ASAP2: variants seen among roughly 807,000 people sequenced by gnomAD.
ASAP2 encodes the protein ArfGAP with SH3 domain, ankyrin repeat and PH domain 2.
Under a neutral mutation model 131.4 loss-of-function variants are expected in ASAP2, and 45 were observed. The ratio of observed to expected loss-of-function variants is 0.34; its 90% CI spans 0.27 to 0.44. The LOEUF is 0.44. Among genes scored for constraint, ASAP2 ranks in the 20% least tolerant of loss-of-function variants. The pLI is 1.00. For synonymous variants in ASAP2, 510 were observed against 503.0 expected (o/e 1.01, Z -0.19); for missense variants, 1,011 against 1,297.0 (o/e 0.78, Z 3.39).
chr2:9,271,488 G>A, intron 1 of ASAP2: 1 of 1,407,320 alleles, frequency 7.1e-7, no homozygotes, highest in South Asian at 1.2e-5. Context: ...CGATCCCTTG[G>A]ACAGTAGTAA....
intron 1 of ASAP2, among the ~76,000 whole-genome samples, chr2:9,262,539 A>G (rs1046295555): frequency 2.0e-5 from 3 of 152,220 alleles, no homozygotes; most frequent in Non-Finnish European, 4.4e-5. Context: ...GCGGCTAGTA[A>G]TTGGAGCCTG....
chr2:9,335,377 G>A (rs1191209869), intron 9 of ASAP2, among the ~76,000 whole-genome samples, 198 bp downstream of exon 9: 1 of 152,218 alleles, frequency 6.6e-6, no homozygotes, highest in Non-Finnish European at 1.5e-5. Context: ...TCAGGAGGAA[G>A]CATTTACTAC....
At chr2:9,210,823 A>G (rs1191323932) in intron 1 of ASAP2, among the ~76,000 whole-genome samples, 2 of 151,616 alleles carry the variant, frequency 1.3e-5, no homozygotes, top group African/African-American at 4.8e-5. Flanking sequence ...GGCCTCCCAA[A>G]GTGCTGGGAT....
At position 9,395,594 on chromosome 2, in the gene ASAP2, C is replaced by CTTTTTTTTTTTTTTTTT; in HGVS notation, c.2684+1962_2684+1978dup. Among the ~76,000 whole-genome samples, 10 of 59,058 alleles carry CTTTTTTTTTTTTTTTTT rather than the reference C, an allele frequency of 1.7e-4. 3 individuals carry two copies. Among genetic ancestry groups the CTTTTTTTTTTTTTTTTT allele is most frequent in the East Asian group, 4.6e-4 (1 of 2,178 alleles). The allele number at this position is 59,058 out of a possible 152,430, so 38.7% of individuals were successfully genotyped here. ...GTTTTGTTTTTCTTGTGTTTTTTTT[C>CTTTTTTTTTTTTTTTTT]TTTTTTTTTTTTTTTTTTTTTTTTT... On this transcript the variant is annotated intron_variant, in intron 24 of 27. Coordinates refer to ENST00000281419, the MANE Select transcript of ASAP2 (RefSeq NM_003887.3).
At chr2:9,334,898 G>C in intron 8 of ASAP2, 85 bp downstream of exon 8, 3 of 1,485,828 alleles carry the variant, frequency 2.0e-6, no homozygotes, top group Non-Finnish European at 2.8e-6. Flanking sequence ...GTGTAATCCT[G>C]TGTTTTCATG....
At chr2:9,403,152 C>A in intron 27 of ASAP2, 101 bp from the exon 28 acceptor site, 1 of 943,700 alleles carries the variant, frequency 1.1e-6, no homozygotes. Flanking sequence ...GTCTTCTGAA[C>A]CAATCTTGCT....
At chr2:9,381,997 T>C (rs2148747222) in intron 20 of ASAP2, among the ~76,000 whole-genome samples, 1 of 149,578 alleles carries the variant, frequency 6.7e-6, no homozygotes, top group East Asian at 1.9e-4. Context: ...TTTTTTTTTT[T>C]TTTTGAGATG....
intron 21 of ASAP2, among the ~76,000 whole-genome samples, chr2:9,386,567 C>G (rs1323757605): frequency 1.3e-5 from 2 of 152,330 alleles, no homozygotes; most frequent in African/African-American, 4.8e-5. Context: ...TCTCAGCAGA[C>G]AGCAGCCGTG....
At chr2:9,278,167 A>G (rs1666874850) in intron 1 of ASAP2, among the ~76,000 whole-genome samples, 1 of 152,186 alleles carries the variant, frequency 6.6e-6, no homozygotes, top group African/African-American at 2.4e-5. Flanking sequence ...TGTGATTGGC[A>G]TCGCTATCCC....
intron 3 of ASAP2, among the ~76,000 whole-genome samples, chr2:9,313,118 G>A (rs1054958113): frequency 1.3e-5 from 2 of 152,082 alleles, no homozygotes; most frequent in African/African-American, 4.8e-5. Context: ...ACTAGGCTGC[G>A]GGCCCTGTTC....
chr2:9,401,432 CT>C (rs1676660416), intron 27 of ASAP2, 36 bp downstream of exon 27: 1 of 1,606,152 alleles, frequency 6.2e-7, no homozygotes, highest in South Asian at 1.1e-5. Flanking sequence ...TTCCTGGGGG[CT>C]GAGCCACGTC....
intron 1 of ASAP2, among the ~76,000 whole-genome samples, chr2:9,233,471 A>G (rs929537208): frequency 1.3e-5 from 2 of 152,226 alleles, no homozygotes; most frequent in Admixed American, 1.3e-4. Flanking sequence ...TTTTTAAGTA[A>G]CACTTACAAA....
At chr2:9,235,084 G>A (rs904652835) in intron 1 of ASAP2, among the ~76,000 whole-genome samples, 13 of 152,048 alleles carry the variant, frequency 8.5e-5, no homozygotes, top group African/African-American at 1.9e-4. Context: ...TCCAAGTGCC[G>A]TGTTTCACTG....
chr2:9,241,094 G>C (rs1663931006), intron 1 of ASAP2, among the ~76,000 whole-genome samples: 1 of 152,226 alleles, frequency 6.6e-6, no homozygotes, highest in East Asian at 1.9e-4. Flanking sequence ...TTGGACTGTG[G>C]TTAGTGGAAA....
chr2:9,267,086 ATATATCT>A (rs997846463), intron 1 of ASAP2, among the ~76,000 whole-genome samples: 25 of 152,296 alleles, frequency 1.6e-4, no homozygotes, highest in African/African-American at 6.0e-4. Context: ...ATTCTTAATA[ATATATCT>A]TATATATACA....
rs566311442 is a variant in ASAP2 at position 9,404,391 on chromosome 2, A to G, written c.*1064A>G. 1 of 152,218 alleles carries G rather than the reference A, an allele frequency of 6.6e-6. No homozygotes were observed. The highest frequency in any genetic ancestry group is 1.9e-4 in the East Asian group (1 of 5,200). The allele number at this position is 152,218 out of a possible 1,614,324, so 9.4% of individuals were successfully genotyped here. A position where few individuals can be genotyped will look rare whatever the true frequency, so the allele number is the denominator to read the frequency against. ...TAGGTCCCAGGTAATACTCCCAAAC[A>G]TCCCACTTTTTACTGTTTCAGGCCA... is the stretch of plus-strand genomic sequence containing the variant. On this transcript the variant is annotated 3_prime_UTR_variant, in exon 28 of 28. Transcript: ENST00000281419.
chr2:9,213,658 A>G (rs931964770), intron 1 of ASAP2, among the ~76,000 whole-genome samples: 7 of 152,096 alleles, frequency 4.6e-5, no homozygotes, highest in Non-Finnish European at 1.0e-4. Flanking sequence ...CCATTGTACA[A>G]GAAGAGGGGT....
At chr2:9,252,606 G>A (rs570700274) in intron 1 of ASAP2, among the ~76,000 whole-genome samples, 4 of 151,368 alleles carry the variant, frequency 2.6e-5, no homozygotes, top group African/African-American at 7.3e-5. Flanking sequence ...AAAAGCCTTC[G>A]GAAGACAGTT....
At position 9,297,355 on chromosome 2, in the gene ASAP2, C is replaced by T; in HGVS notation, c.255C>T (p.Asn85=). ...YTQALEKFGG[N]CVCRDDPDLG... is the part of the protein sequence containing the mutation. ...AGGCTCTGGAGAAGTTTGGCGGCAA[C>T]TGTGTATGCAGAGATGACCCAGATT... The change falls in exon 3 of 28, where the codon AAC becomes AAT. Residue 85 remains asparagine (N), a synonymous_variant. Coordinates refer to ENST00000281419, the MANE Select transcript of ASAP2 (RefSeq NM_003887.3). 2 of 1,614,136 alleles carry T rather than the reference C, an allele frequency of 1.2e-6. No homozygotes were observed. The highest frequency in any genetic ancestry group is 1.7e-6 in the Non-Finnish European group (2 of 1,180,012).
Sources: allele counts gnomAD v4.1 joint callset (sites outside exome capture counted in the v4.1 genomes callset), GRCh38; gene constraint gnomAD v4.1.1; transcripts MANE v1.5; gene names NCBI Gene and HGNC (gene_info 2026-07-23, HGNC 2026-07-21).